CDIN1: variants seen among roughly 807,000 people sequenced by gnomAD.
CDIN1 encodes the protein CDAN1-interacting nuclease 1.
CDIN1 carries 33 observed loss-of-function variants against 45.3 expected under a neutral mutation model. The observed-to-expected ratio is 0.73, with a 90% confidence interval of 0.55 to 0.97. CDIN1 has a LOEUF of 0.97. Ranked by LOEUF, CDIN1 falls within the 50% of genes least tolerant of loss-of-function variation. The pLI, the probability that CDIN1 is intolerant of heterozygous loss-of-function variation, is 0.00. For missense variants in CDIN1, 303 were observed against 339.4 expected (o/e 0.89, Z 0.84); for synonymous variants, 118 against 124.4 (o/e 0.95, Z 0.34).
At chr15:36,772,081 C>G (rs1298214274) in intron 10 of CDIN1, among the ~76,000 whole-genome samples, 1 of 152,170 alleles carries the variant, frequency 6.6e-6, no homozygotes, top group African/African-American at 2.4e-5. Flanking sequence ...CTCTTTGGTT[C>G]TTCTTTTCTT....
rs1053245603 is a variant in CDIN1, at chr15:36,681,107, C to T, written c.347-10578C>T. Reference sequence around the variant, plus strand: ...GGAAATGACACTATAAACTATAAGACAAAGTATATAAAGTATAAAATCTAA... The same window carrying T: ...GGAAATGACACTATAAACTATAAGATAAAGTATATAAAGTATAAAATCTAA... On this transcript the variant is annotated intron_variant, in intron 5 of 10. Transcript: ENST00000566621. 4.6e-5 allele frequency among the ~76,000 whole-genome samples: 7 copies of T among 151,694 alleles called. 1 individual carries two copies. In the South Asian group the frequency reaches 1.5e-3, roughly 32 times the overall value.
intron 8 of CDIN1, chr15:36,706,617 A>C (rs1451735818): frequency 1.3e-5 from 2 of 152,074 alleles, no homozygotes; most frequent in Admixed American, 1.3e-4. Flanking sequence ...CATCTCAAAA[A>C]AAAAAACAAA....
At chr15:36,732,309 T>C (rs1595531653) in intron 10 of CDIN1, among the ~76,000 whole-genome samples, 1 of 152,042 alleles carries the variant, frequency 6.6e-6, no homozygotes, top group East Asian at 1.9e-4. Flanking sequence ...GGAGGAACTG[T>C]ACTAGGAAAA....
At chr15:36,719,561 T>C (rs554117878) in intron 10 of CDIN1, among the ~76,000 whole-genome samples, 66 of 152,286 alleles carry the variant, frequency 4.3e-4, no homozygotes, top group African/African-American at 1.5e-3. Context: ...TGTTTATGAG[T>C]GATACAGGTT....
chr15:36,580,084 T>C, intron 1 of CDIN1, 123 bp downstream of exon 1: 2 of 822,294 alleles, frequency 2.4e-6, no homozygotes, highest in East Asian at 2.7e-5. Flanking sequence ...TGTCAGGCGT[T>C]AGGAGGTCGA....
intron 9 of CDIN1, 90 bp downstream of exon 9, chr15:36,709,378 TATAAATGGGTGGATAATTGG>T: frequency 1.1e-5 from 9 of 851,120 alleles, no homozygotes; most frequent in Non-Finnish European, 1.4e-5. Flanking sequence ...TTTATAATAT[TATAAATGGGTGGATAATTGG>T]AAAATGTTAC....
At chr15:36,648,527 G>T (rs1443588549) in intron 3 of CDIN1, 1 of 145,102 alleles carries the variant, frequency 6.9e-6, no homozygotes, top group African/African-American at 2.6e-5. Context: ...CGCCTCCTGG[G>T]TTCACACCAC....
intron 10 of CDIN1, among the ~76,000 whole-genome samples, chr15:36,744,643 G>A (rs1399184785): frequency 6.6e-6 from 1 of 152,140 alleles, no homozygotes; most frequent in East Asian, 1.9e-4. Flanking sequence ...CATGATTAGG[G>A]AAGGTTTTTC....
chr15:36,694,274 T>C (rs1241678344), intron 7 of CDIN1, among the ~76,000 whole-genome samples: 1 of 152,220 alleles, frequency 6.6e-6, no homozygotes, highest in Non-Finnish European at 1.5e-5. Flanking sequence ...TTTCCTAGAC[T>C]GATCAGCATA....
At chr15:36,766,401 A>C (rs141396446) in intron 10 of CDIN1, among the ~76,000 whole-genome samples, 13 of 152,292 alleles carry the variant, frequency 8.5e-5, no homozygotes, top group African/African-American at 3.1e-4. Context: ...TCCTGATTTC[A>C]GTTCTTTTGG....
intron 1 of CDIN1, chr15:36,619,150 A>G: frequency 1.8e-6 from 2 of 1,141,488 alleles, no homozygotes; most frequent in Non-Finnish European, 1.3e-6. Flanking sequence ...TACCATTCCC[A>G]GGGGAGCAGC....
chr15:36,609,296 G>C lies in CDIN1; in HGVS notation c.101+29335G>C, dbSNP rs564447631. ...CTCCCAAAGTTTTGGGATTATAGGC[G>C]TGAGCCACCGCACCTGGCCTATTAT... On this transcript the variant is annotated intron_variant, in intron 1 of 10. Transcript: ENST00000566621. 2.0e-5 allele frequency among the ~76,000 whole-genome samples: 3 copies of C among 152,320 alleles called. No individual in the cohort carries two copies. The East Asian group carries it at 5.8e-4, about 29-fold the overall frequency.
chr15:36,791,635 C>T (rs2054648214), intron 10 of CDIN1, among the ~76,000 whole-genome samples: 1 of 151,880 alleles, frequency 6.6e-6, no homozygotes, highest in African/African-American at 2.4e-5. Context: ...TATTAGGAAT[C>T]GTTGTTATTT....
In CDIN1 at chr15:36,755,686, T is replaced by TAA. The variant is rs11380291; in HGVS notation, c.716+45738_716+45739dup. On this transcript the variant is annotated intron_variant, in intron 10 of 10. Coordinates refer to ENST00000566621, the MANE Select transcript of CDIN1 (RefSeq NM_001321759.2). ...TTCTGGTGAGTTCTTAGTGTTGGTT[T>TAA]AAAAAAAAAAAAAATCTTGAGCTTG... Among the ~76,000 whole-genome samples, 1,052 of 147,758 alleles carry TAA rather than the reference T, an allele frequency of 7.1e-3. 12 individuals carry two copies. Among genetic ancestry groups the TAA allele is most frequent in the African/African-American group, 0.023 (939 of 40,426 alleles).
chr15:36,770,853 G>A (rs963233599), intron 10 of CDIN1, among the ~76,000 whole-genome samples: 1 of 152,184 alleles, frequency 6.6e-6, no homozygotes, highest in African/African-American at 2.4e-5. Flanking sequence ...CCAAACTGCT[G>A]CACATTAGAG....
intron 1 of CDIN1, among the ~76,000 whole-genome samples, chr15:36,596,240 T>G (rs916517678): frequency 6.6e-5 from 10 of 152,086 alleles, no homozygotes; most frequent in Non-Finnish European, 1.0e-4. Context: ...CCTAATTCCC[T>G]TTTCTCACAA....
At chr15:36,596,445 T>C (rs2037837838) in intron 1 of CDIN1, among the ~76,000 whole-genome samples, 1 of 152,192 alleles carries the variant, frequency 6.6e-6, no homozygotes, top group African/African-American at 2.4e-5. Flanking sequence ...AGATATAAAG[T>C]GGAGTTTTTC....
chr15:36,788,260 G>A (rs919861854), intron 10 of CDIN1, among the ~76,000 whole-genome samples: 6 of 151,376 alleles, frequency 4.0e-5, no homozygotes, highest in African/African-American at 1.5e-4. Context: ...GGGATGACAG[G>A]CATGCGCCAC....
intron 1 of CDIN1, among the ~76,000 whole-genome samples, chr15:36,624,077 T>A (rs1297230539): frequency 6.6e-6 from 1 of 152,194 alleles, no homozygotes; most frequent in Non-Finnish European, 1.5e-5. Flanking sequence ...AGGTATTTAT[T>A]GAGCACCTAC....
Sources: gnomAD v4.1 joint callset for allele counts (sites outside exome capture counted in the v4.1 genomes callset) on GRCh38, gnomAD v4.1.1 for gene constraint, MANE v1.5 for transcripts, NCBI Gene and HGNC (gene_info 2026-07-23, HGNC 2026-07-21) for gene names.